SCOC: variants seen among roughly 807,000 people sequenced by gnomAD.
SCOC encodes short coiled coil protein.
Under a neutral mutation model 9.9 loss-of-function variants are expected in SCOC, and 7 were observed. The ratio of observed to expected loss-of-function variants is 0.71; its 90% CI spans 0.40 to 1.33. The LOEUF is 1.33. Among genes scored for constraint, SCOC ranks in the 40% most tolerant of loss-of-function variants. SCOC has a pLI of 0.01. For missense variants in SCOC, 66 were observed against 89.7 expected, an observed-to-expected ratio of 0.74 and a Z score of 1.07; for synonymous variants, 19 against 28.2, an observed-to-expected ratio of 0.67 and a Z score of 1.03.
intron 1 of SCOC, among the ~76,000 whole-genome samples, chr4:140,295,964 AAAAG>A (rs1299394609): frequency 6.6e-6 from 1 of 151,580 alleles, no homozygotes; most frequent in Non-Finnish European, 1.5e-5. Context: ...AAGAAAAAAA[AAAAG>A]AAAATCACCT....
chr4:140,306,326 C>T (rs778890338), intron 1 of SCOC, among the ~76,000 whole-genome samples: 13 of 152,036 alleles, frequency 8.6e-5, no homozygotes, highest in Non-Finnish European at 1.8e-4. Flanking sequence ...GGGTCTTTCC[C>T]ACGACAAGTG....
At chr4:140,278,546 G>A (rs942838415) in intron 1 of SCOC, among the ~76,000 whole-genome samples, 18 of 152,060 alleles carry the variant, frequency 1.2e-4, no homozygotes, top group African/African-American at 4.1e-4. Context: ...TTGTCCACCC[G>A]CCTCAGCCTC....
intron 1 of SCOC, among the ~76,000 whole-genome samples, chr4:140,313,611 T>A (rs549468392): frequency 7.0e-4 from 107 of 152,134 alleles, no homozygotes; most frequent in Admixed American, 2.2e-3. Context: ...TGGCAGAAAA[T>A]TGATATCTTT....
At chr4:140,364,228 TTA>T (rs1430468369) in intron 2 of SCOC, among the ~76,000 whole-genome samples, 1 of 151,968 alleles carries the variant, frequency 6.6e-6, no homozygotes, top group East Asian at 1.9e-4. Flanking sequence ...AGCGAAGTCA[TTA>T]TATGACAACT....
chr4:140,373,246 C>T, upstream of SCOC: 1 of 1,231,454 alleles, frequency 8.1e-7, no homozygotes, highest in Non-Finnish European at 1.0e-6. Context: ...AATGACTTCT[C>T]TGTCGCTCAT....
chr4:140,301,273 G>A (rs1437253809), intron 1 of SCOC, among the ~76,000 whole-genome samples: 1 of 152,164 alleles, frequency 6.6e-6, no homozygotes, highest in African/African-American at 2.4e-5. Context: ...TAAGGTGTTA[G>A]ATTTTCTGTT....
intron 1 of SCOC, among the ~76,000 whole-genome samples, chr4:140,378,690 G>A (rs900203713): frequency 1.3e-5 from 2 of 152,074 alleles, no homozygotes; most frequent in Non-Finnish European, 2.9e-5. Flanking sequence ...TGATTTTTAT[G>A]TATATAACTT....
intron 1 of SCOC, among the ~76,000 whole-genome samples, chr4:140,285,922 C>T (rs546608428): frequency 1.8e-4 from 27 of 152,216 alleles, no homozygotes; most frequent in African/African-American, 5.3e-4. Flanking sequence ...CCGTGGCTCT[C>T]GCTTGTAATC....
chr4:140,295,876 A>C (rs1340537751), intron 1 of SCOC, among the ~76,000 whole-genome samples: 7 of 143,880 alleles, frequency 4.9e-5, no homozygotes, highest in Non-Finnish European at 1.0e-4. Flanking sequence ...GCTTGCAGTG[A>C]GCCAAGATCG....
chr4:140,385,149 C>T lies in SCOC; in HGVS notation c.*4045C>T, dbSNP rs1021287084. 6.6e-6 allele frequency: 1 copy of T among 152,212 alleles called. No individual in the cohort carries two copies. The highest frequency in any genetic ancestry group is 2.4e-5 in the African/African-American group (1 of 41,446). The allele number at this position is 152,212 out of a possible 1,614,324, so 9.4% of individuals were successfully genotyped here. ...CCAGTATTGACACTGCCATTCTATG[C>T]AAAATGTGTCCTCTTTATAGTCCCT... On this transcript the variant is annotated 3_prime_UTR_variant, in exon 4 of 4. Coordinates refer to ENST00000608372, the MANE Select transcript of SCOC (RefSeq NM_001153484.2).
At chr4:140,345,282 T>G (rs1726688009) in intron 2 of SCOC, among the ~76,000 whole-genome samples, 2 of 152,154 alleles carry the variant, frequency 1.3e-5, no homozygotes, top group South Asian at 4.1e-4. Context: ...CCTTCTCCTT[T>G]GTTAGACTGA....
intron 1 of SCOC, 46 bp from the exon 2 acceptor site, chr4:140,379,075 G>C (rs1487516180): frequency 8.7e-7 from 1 of 1,151,580 alleles, no homozygotes; most frequent in Non-Finnish European, 1.3e-6. Context: ...CAGGCTTATA[G>C]TTTATTGCTG....
chr4:140,328,378 A>G (rs898425407), intron 1 of SCOC, among the ~76,000 whole-genome samples: 5 of 152,184 alleles, frequency 3.3e-5, no homozygotes, highest in Admixed American at 1.3e-4. Context: ...GATGAACACA[A>G]CCAAGCAAGG....
chr4:140,318,845 C>T (rs961380164), intron 1 of SCOC, among the ~76,000 whole-genome samples: 1 of 152,190 alleles, frequency 6.6e-6, no homozygotes, highest in Non-Finnish European at 1.5e-5. Flanking sequence ...GCCCTTCCTT[C>T]TTTAACTCAG....
At chr4:140,379,087 A>G in intron 1 of SCOC, 34 bp from the exon 2 acceptor site, 2 of 1,246,626 alleles carry the variant, frequency 1.6e-6, no homozygotes, top group Non-Finnish European at 2.4e-6. Flanking sequence ...TTATTGCTGT[A>G]TGTGTCTATA....
intron 1 of SCOC, among the ~76,000 whole-genome samples, chr4:140,309,437 G>GCTT (rs1354368250): frequency 6.6e-6 from 1 of 152,120 alleles, no homozygotes; most frequent in East Asian, 1.9e-4. Flanking sequence ...CAGGTCTCTG[G>GCTT]CTTCTGCTGG....
At chr4:140,341,550 G>A (rs1726511238), upstream of SCOC, among the ~76,000 whole-genome samples, 1 of 152,190 alleles carries the variant, frequency 6.6e-6, no homozygotes, top group Non-Finnish European at 1.5e-5. Context: ...TTAAAAGTGT[G>A]TGTCATTATT....
At chr4:140,291,360 G>A (rs1731465997) in intron 1 of SCOC, 1 of 455,096 alleles carries the variant, frequency 2.2e-6, no homozygotes. Context: ...TTCACGTGGT[G>A]GCAGCCGCCT....
chr4:140,293,661 A>G (rs1731542938), intron 1 of SCOC, among the ~76,000 whole-genome samples: 1 of 152,206 alleles, frequency 6.6e-6, no homozygotes, highest in African/African-American at 2.4e-5. Flanking sequence ...TACACCTACC[A>G]TTCCCTGTCA....
Sources: allele counts gnomAD v4.1 joint callset (sites outside exome capture counted in the v4.1 genomes callset), GRCh38; gene constraint gnomAD v4.1.1; transcripts MANE v1.5; gene names NCBI Gene and HGNC (gene_info 2026-07-23, HGNC 2026-07-21).